Variants in KIDINS220 observed in about 807,000 individuals in gnomAD.
The protein encoded by KIDINS220 is kinase D-interacting substrate of 220 kDa.
KIDINS220 carries 63 observed loss-of-function variants against 157.6 expected under a neutral mutation model. That is an observed-to-expected ratio of 0.40 (90% CI 0.33 to 0.49). The LOEUF is 0.49. Ranked by LOEUF, KIDINS220 falls within the 20% of genes least tolerant of loss-of-function variation. KIDINS220 has a pLI of 0.66. For missense variants in KIDINS220, 1,772 were observed against 2,171.2 expected (o/e 0.82, Z 3.65); for synonymous variants, 732 against 783.6 (o/e 0.93, Z 1.10).
At chr2:8,835,237 G>C (rs566159677) in intron 1 of KIDINS220, among the ~76,000 whole-genome samples, 1 of 152,132 alleles carries the variant, frequency 6.6e-6, no homozygotes, top group East Asian at 1.9e-4. Context: ...AAACTTAATA[G>C]ATAACCATCA....
chr2:8,806,006 C>T (rs574540765), intron 7 of KIDINS220, among the ~76,000 whole-genome samples: 1 of 152,306 alleles, frequency 6.6e-6, no homozygotes, highest in Admixed American at 6.5e-5. Context: ...CTATATATCA[C>T]ACTAGGATCA....
intron 15 of KIDINS220, 44 bp downstream of exon 15, chr2:8,788,603 C>G (rs1672747021): frequency 6.4e-7 from 1 of 1,572,922 alleles, no homozygotes; most frequent in South Asian, 1.2e-5. Context: ...ATATTTTTTT[C>G]TGAATCTCAT....
chr2:8,836,945 A>G (rs1225164744), intron 1 of KIDINS220, among the ~76,000 whole-genome samples: 3 of 152,232 alleles, frequency 2.0e-5, no homozygotes, highest in Non-Finnish European at 4.4e-5. Flanking sequence ...CTATAAATAA[A>G]TCTTGGAGGC....
intron 5 of KIDINS220, 101 bp downstream of exon 5, chr2:8,813,136 A>T: frequency 1.5e-6 from 1 of 666,254 alleles, no homozygotes; most frequent in Admixed American, 2.8e-5. Flanking sequence ...TAAGATAAAG[A>T]ATATTTCTAC....
rs369795631 is a variant in KIDINS220, at chr2:8,813,245, T to C, written c.397A>G (p.Thr133Ala). Residue 133 changes from threonine (T) to alanine (A), a missense_variant, in exon 5 of 30, where the codon ACT (threonine) becomes GCT (alanine). Physicochemically the swap from Thr to Ala is moderately conservative, Grantham distance 58. Coordinates refer to ENST00000256707, the MANE Select transcript of KIDINS220 (RefSeq NM_020738.4). ...TTTTTGTTAATGCTTACCAGACCAG[T>C]GACACTTGGATTGGCACCATGAGAA... Reference protein sequence around the residue: ...LLSHGANPSVTGLYSVYPIIW... With the variant: ...LLSHGANPSVAGLYSVYPIIW... 3 of 1,611,058 alleles carry C rather than the reference T, an allele frequency of 1.9e-6. No individual in the cohort carries two copies. Among genetic ancestry groups the C allele is most frequent in the Non-Finnish European group, 2.5e-6 (3 of 1,178,858 alleles).
At chr2:8,804,081 A>G (rs1434935318) in intron 7 of KIDINS220, among the ~76,000 whole-genome samples, 1 of 152,230 alleles carries the variant, frequency 6.6e-6, no homozygotes, top group Non-Finnish European at 1.5e-5. Context: ...TCACTTGACC[A>G]ACTGTCCAGA....
At chr2:8,728,461 A>G (rs1439947896), downstream of KIDINS220, among the ~76,000 whole-genome samples, 1 of 152,252 alleles carries the variant, frequency 6.6e-6, no homozygotes, top group African/African-American at 2.4e-5. Flanking sequence ...AGAGTTTTGC[A>G]TGTGTGAGAA....
At chr2:8,802,400 T>A (rs749533218) in intron 8 of KIDINS220, among the ~76,000 whole-genome samples, 1 of 151,982 alleles carries the variant, frequency 6.6e-6, no homozygotes, top group African/African-American at 2.4e-5. Context: ...AGGATTTGTT[T>A]TGGAGTAAAG....
At chr2:8,777,018 C>T in intron 20 of KIDINS220, 126 bp from the exon 21 acceptor site, 1 of 935,124 alleles carries the variant, frequency 1.1e-6, no homozygotes, top group Non-Finnish European at 1.6e-6. Flanking sequence ...AGAGGAATAT[C>T]ATACAGTAAT....
chr2:8,737,034 A>G, intron 26 of KIDINS220, 35 bp from the exon 27 acceptor site: 1 of 1,609,078 alleles, frequency 6.2e-7, no homozygotes, highest in South Asian at 1.1e-5. Context: ...GGTATGAATA[A>G]GCATTTAATG....
chr2:8,731,344 T>C lies in KIDINS220; in HGVS notation c.4692A>G (p.Arg1564=). ...KSPEHSAEPI[R]TFIKAKEYLS... The stretch of plus-strand genomic sequence containing the variant: ...AATACTCTTTGGCTTTAATGAAGGT[T>C]CTGATCGGCTCAGCACTGTGTTCTG... Residue 1564 remains arginine (R), a synonymous_variant, in exon 30 of 30, where the codon AGA becomes AGG. Transcript: ENST00000256707. The surrounding 1 kb of genome is among the most constrained non-coding windows in gnomAD (Gnocchi z 5.2). 3 of 1,614,256 alleles carry C rather than the reference T, an allele frequency of 1.9e-6. No individual in the cohort carries two copies. Among genetic ancestry groups the C allele is most frequent in the Non-Finnish European group, 2.5e-6 (3 of 1,180,042 alleles).
chr2:8,771,361 T>C (rs1670207227), intron 21 of KIDINS220, among the ~76,000 whole-genome samples: 1 of 152,232 alleles, frequency 6.6e-6, no homozygotes, highest in African/African-American at 2.4e-5. Flanking sequence ...TTGTAATGTT[T>C]CTAATATTTA....
intron 1 of KIDINS220, among the ~76,000 whole-genome samples, chr2:8,835,890 T>C (rs1263465605): frequency 2.0e-5 from 3 of 152,200 alleles, no homozygotes; most frequent in Non-Finnish European, 2.9e-5. Context: ...GGCACATTCA[T>C]ACATGATCCT....
chr2:8,786,543 C>G (rs531703394), intron 15 of KIDINS220, among the ~76,000 whole-genome samples, 186 bp from the exon 16 acceptor site: 3 of 152,196 alleles, frequency 2.0e-5, no homozygotes, highest in African/African-American at 7.2e-5. Context: ...ATCTTACATA[C>G]TTTTCTTAGG....
chr2:8,774,815 G>A (rs1054386144), intron 21 of KIDINS220, among the ~76,000 whole-genome samples: 1 of 152,188 alleles, frequency 6.6e-6, no homozygotes, highest in Non-Finnish European at 1.5e-5. Flanking sequence ...TCAGTGAAAT[G>A]AGGACACATT....
At chr2:8,748,510 G>A (rs1666874599) in intron 24 of KIDINS220, among the ~76,000 whole-genome samples, 1 of 152,138 alleles carries the variant, frequency 6.6e-6, no homozygotes, top group Non-Finnish European at 1.5e-5. Context: ...TTACACCCTA[G>A]AGTTTATAAC....
intron 18 of KIDINS220, 87 bp downstream of exon 18, chr2:8,779,587 G>A (rs902023875): frequency 7.1e-6 from 10 of 1,402,684 alleles, no homozygotes; most frequent in Middle Eastern, 1.9e-4. Context: ...AACCAATTCC[G>A]TTCTATTTTT....
chr2:8,789,915 G>A lies in KIDINS220; in HGVS notation c.1586C>T (p.Ser529Leu). Reference sequence around the variant, plus strand: ...ATATAAGAGAGCCAAGAAGCTCAGTGACACTGCTATTCCAAGATTTGGGTG... The same window carrying A: ...ATATAAGAGAGCCAAGAAGCTCAGTAACACTGCTATTCCAAGATTTGGGTG... ...TVHPNLGIAV[S>L]LSFLALLYIF... is the part of the protein sequence containing the mutation. Residue 529 changes from serine (S) to leucine (L), a missense_variant, in exon 14 of 30, where the codon TCA (serine) becomes TTA (leucine). This residue lies in a region of KIDINS220 where 725 missense variants were observed against 1,017.1 expected (regional missense o/e 0.71). Coordinates refer to ENST00000256707, the MANE Select transcript of KIDINS220 (RefSeq NM_020738.4). 6.2e-7 allele frequency: 1 copy of A among 1,612,730 alleles called. No homozygotes were observed. Among genetic ancestry groups the A allele is most frequent in the Non-Finnish European group, 8.5e-7 (1 of 1,179,610 alleles).
intron 26 of KIDINS220, among the ~76,000 whole-genome samples, chr2:8,737,973 T>C (rs1300903038): frequency 6.6e-6 from 1 of 152,228 alleles, no homozygotes; most frequent in African/African-American, 2.4e-5. Flanking sequence ...CATTTCTTCT[T>C]ATTGCTGAGT....
Sources: gnomAD v4.1 joint callset for allele counts (sites outside exome capture counted in the v4.1 genomes callset) on GRCh38, gnomAD v4.1.1 for gene constraint, gnomAD v4.1.1 regional missense constraint, Gnocchi (gnomAD v3.1) non-coding constraint, MANE v1.5 for transcripts, NCBI Gene and HGNC (gene_info 2026-07-23, HGNC 2026-07-21) for gene names.